Variants in GPCPD1 observed in about 807,000 individuals in gnomAD.
GPCPD1 encodes glycerophosphocholine phosphodiesterase 1.
GPCPD1 carries 29 observed loss-of-function variants against 89.2 expected under a neutral mutation model. The ratio of observed to expected loss-of-function variants is 0.33; its 90% CI spans 0.24 to 0.44. The LOEUF (loss-of-function observed/expected upper bound fraction) is 0.44. GPCPD1 is among the 20% of genes least tolerant of loss of function. The pLI is 1.00. For synonymous variants in GPCPD1, 258 were observed against 266.3 expected (o/e 0.97, Z 0.30); for missense variants, 594 against 808.9 (o/e 0.73, Z 3.22).
At chr20:5,571,038 T>C (rs954838032) in intron 11 of GPCPD1, among the ~76,000 whole-genome samples, 2 of 152,200 alleles carry the variant, frequency 1.3e-5, no homozygotes, top group Admixed American at 6.5e-5. Flanking sequence ...CCAGCTGCGA[T>C]AGAAGGAAGC....
chr20:5,585,669 T>C (rs1978872515), intron 5 of GPCPD1: 2 of 147,378 alleles, frequency 1.4e-5, no homozygotes, highest in Middle Eastern at 3.7e-3. Flanking sequence ...AATTCTAGCA[T>C]AGCCAATAGG....
rs36119025 is a variant in GPCPD1, at chr20:5,576,040, T to TACACAC, written c.706-68_706-63dup. On this transcript the variant is annotated intron_variant, in intron 8 of 19. Transcript: ENST00000379019. ...AACTTCTACATTACATACATACATA[T>TACACAC]ACACACACACACACACACACAGACA... 2.2e-4 allele frequency: 131 copies of TACACAC among 603,322 alleles called. No homozygotes were observed. In the African/African-American group the frequency reaches 2.3e-3, roughly 11 times the overall value. The allele number at this position is 603,322 out of a possible 1,614,324, so 37.4% of individuals were successfully genotyped here.
At chr20:5,594,354 A>T (rs1479808191) in intron 3 of GPCPD1, among the ~76,000 whole-genome samples, 1 of 150,636 alleles carries the variant, frequency 6.6e-6, no homozygotes, top group Non-Finnish European at 1.5e-5. Context: ...CAGTGGCGCG[A>T]TCTCAGCTCA....
intron 17 of GPCPD1, among the ~76,000 whole-genome samples, 179 bp downstream of exon 17, chr20:5,559,761 C>G (rs1372449356): frequency 1.3e-5 from 2 of 152,072 alleles, no homozygotes; most frequent in Admixed American, 6.5e-5. Flanking sequence ...GTGGACTTCA[C>G]AGGAGTAGCA....
rs370632859 is a variant in GPCPD1 at position 5,558,122 on chromosome 20, T to C, written c.1669-17A>G. On this transcript the variant is annotated splice_polypyrimidine_tract_variant and intron_variant, in intron 18 of 19. Transcript: ENST00000379019. ...ATTTATCCCCTAGAAGAAGAAAAAT[T>C]AGTTGTGCATGAAAAAGAAACATTA... 6.7e-5 allele frequency: 102 copies of C among 1,520,998 alleles called. No individual in the cohort carries two copies. The African/African-American group carries it at 1.4e-3, about 21-fold the overall frequency. The allele number at this position is 1,520,998 out of a possible 1,614,324, so 94.2% of individuals were successfully genotyped here. A position where few individuals can be genotyped will look rare whatever the true frequency, so the allele number is the denominator to read the frequency against.
At position 5,575,880 on chromosome 20, in the gene GPCPD1, A is replaced by G; in HGVS notation, c.804T>C (p.Ser268=). 6.2e-7 allele frequency: 1 copy of G among 1,607,234 alleles called. No individual in the cohort carries two copies. Among genetic ancestry groups the G allele is most frequent in the Non-Finnish European group, 8.5e-7 (1 of 1,174,270 alleles). Reference sequence around the variant, plus strand: ...TGATGGGAAGAGTAAGAATTCCAGCACTCTTTCCACTCTCAGCAATGGTGG... The same window carrying G: ...TGATGGGAAGAGTAAGAATTCCAGCGCTCTTTCCACTCTCAGCAATGGTGG... The part of the protein sequence containing the change: ...LSSTIAESGK[S]AGILTLPIMS... The change falls in exon 9 of 20, where the codon AGT becomes AGC. Residue 268 remains serine, a synonymous_variant. Transcript: ENST00000379019.
At chr20:5,558,330 G>A in intron 18 of GPCPD1, among the ~76,000 whole-genome samples, 1 of 152,102 alleles carries the variant, frequency 6.6e-6, no homozygotes, top group South Asian at 2.1e-4. Flanking sequence ...CATATTGAAT[G>A]TGCAGTCAAA....
intron 1 of GPCPD1, among the ~76,000 whole-genome samples, chr20:5,609,127 TA>T (rs1980786482): frequency 6.6e-6 from 1 of 152,238 alleles, no homozygotes; most frequent in African/African-American, 2.4e-5. Flanking sequence ...TATTTTTAGC[TA>T]AAGTGTTTTT....
Position 5,557,963 on chromosome 20 carries a change from T to C in GPCPD1, c.1811A>G (p.Asn604Ser). Residue 604 changes from asparagine to serine, a missense_variant, in exon 19 of 20, where the codon AAT becomes AGT. Physicochemically the swap from Asn to Ser is conservative, Grantham distance 46 (BLOSUM62 1). Coordinates refer to ENST00000379019, the MANE Select transcript of GPCPD1 (RefSeq NM_019593.5). ...CAAATACCTATCATAAATTAGACCA[T>C]TAACTCCAAGTTCCTTCAATTTCCT... ...NRRKLKELGV[N>S]GLIYDRIYDW... The C allele has an allele frequency of 1.9e-6, 3 of 1,591,500 alleles. No individual in the cohort carries two copies. Among genetic ancestry groups the C allele is most frequent in the South Asian group, 1.1e-5 (1 of 88,992 alleles).
intron 4 of GPCPD1, among the ~76,000 whole-genome samples, chr20:5,588,389 C>T (rs958798630): frequency 1.3e-4 from 20 of 151,364 alleles, no homozygotes; most frequent in African/African-American, 4.6e-4. Flanking sequence ...ACTGTAGTCC[C>T]AGCTACATGT....
At chr20:5,605,082 G>A (rs1980487770) in intron 1 of GPCPD1, among the ~76,000 whole-genome samples, 1 of 152,100 alleles carries the variant, frequency 6.6e-6, no homozygotes, top group South Asian at 2.1e-4. Context: ...TCAATTACTT[G>A]GGAAGTATCT....
At chr20:5,587,320 A>G (rs1489730368) in intron 4 of GPCPD1, among the ~76,000 whole-genome samples, 1 of 152,136 alleles carries the variant, frequency 6.6e-6, no homozygotes, top group Non-Finnish European at 1.5e-5. Flanking sequence ...AATCACCATC[A>G]AGATTTTCAC....
At chr20:5,554,788 A>G (rs1237812536) in intron 19 of GPCPD1, among the ~76,000 whole-genome samples, 1 of 152,256 alleles carries the variant, frequency 6.6e-6, no homozygotes. Context: ...TAGCTGCCAC[A>G]GACAGTGATT....
chr20:5,548,012 T>G (rs1020442787), intron 19 of GPCPD1, among the ~76,000 whole-genome samples, 162 bp from the exon 20 acceptor site: 7 of 152,244 alleles, frequency 4.6e-5, no homozygotes, highest in Non-Finnish European at 1.0e-4. Context: ...CCATTCTCTT[T>G]TTTAAAATTT....
intron 1 of GPCPD1, among the ~76,000 whole-genome samples, chr20:5,605,232 G>T (rs756437868): frequency 2.6e-5 from 4 of 152,112 alleles, no homozygotes; most frequent in Non-Finnish European, 5.9e-5. Context: ...AAGTCGTCAA[G>T]ATTCTTTTGC....
intron 1 of GPCPD1, among the ~76,000 whole-genome samples, chr20:5,605,731 C>A (rs973240208): frequency 2.6e-5 from 4 of 151,994 alleles, no homozygotes; most frequent in South Asian, 2.1e-4. Context: ...TGAGCCCCCC[C>A]ACCTGCCTCC....
intron 13 of GPCPD1, among the ~76,000 whole-genome samples, chr20:5,567,207 G>C (rs1048522780): frequency 1.3e-5 from 2 of 152,162 alleles, no homozygotes; most frequent in Non-Finnish European, 2.9e-5. Context: ...TAAAGATTAT[G>C]AATGAGAAGG....
chr20:5,591,765 G>A (rs117168829), intron 4 of GPCPD1, among the ~76,000 whole-genome samples: 1 of 152,214 alleles, frequency 6.6e-6, no homozygotes, highest in East Asian at 1.9e-4. Flanking sequence ...CTGGCATGTG[G>A]AGAAAAAAAC....
chr20:5,590,697 A>T (rs1425111938), intron 4 of GPCPD1, among the ~76,000 whole-genome samples: 1 of 152,318 alleles, frequency 6.6e-6, no homozygotes, highest in African/African-American at 2.4e-5. Flanking sequence ...AATTTTAGAT[A>T]CTAATAAACT....
Sources: gnomAD v4.1 joint callset for allele counts (sites outside exome capture counted in the v4.1 genomes callset) on GRCh38, gnomAD v4.1.1 for gene constraint, MANE v1.5 for transcripts, NCBI Gene and HGNC (gene_info 2026-07-23, HGNC 2026-07-21) for gene names.